FREM2: variants seen among roughly 807,000 people sequenced by gnomAD.
FREM2 encodes FRAS1-related extracellular matrix protein 2.
In FREM2, 119 loss-of-function variants were observed where a neutral mutation model predicts 219.9. That is an observed-to-expected ratio of 0.54 (90% CI 0.47 to 0.63). The LOEUF (loss-of-function observed/expected upper bound fraction) is 0.63. FREM2 is among the 30% of genes least tolerant of loss of function. The pLI is 0.00. For synonymous variants in FREM2, 1,562 were observed against 1,522.8 expected (o/e 1.03, Z -0.60); for missense variants, 4,030 against 3,993.6 (o/e 1.01, Z -0.25).
chr13:38,824,194 G>A (rs1487234853), intron 6 of FREM2, among the ~76,000 whole-genome samples: 3 of 152,002 alleles, frequency 2.0e-5, no homozygotes, highest in African/African-American at 7.2e-5. Flanking sequence ...AGGAGAAAGA[G>A]ACAGTTTTGT....
chr13:38,791,375 T>C (rs1329802541), intron 6 of FREM2, among the ~76,000 whole-genome samples: 1 of 152,128 alleles, frequency 6.6e-6, no homozygotes, highest in East Asian at 1.9e-4. Flanking sequence ...TTTCTTACCT[T>C]GGCCACCATC....
Position 38,886,928 on chromosome 13 carries a change from T to C in FREM2, c.*6141T>C, listed in dbSNP as rs922904694. 2.6e-5 allele frequency: 4 copies of C among 152,226 alleles called. No homozygotes were observed. Among genetic ancestry groups the C allele is most frequent in the Non-Finnish European group, 5.9e-5 (4 of 68,048 alleles). The allele number at this position is 152,226 out of a possible 1,614,324, so 9.4% of individuals were successfully genotyped here. A position where few individuals can be genotyped will look rare whatever the true frequency, so the allele number is the denominator to read the frequency against. On this transcript the variant is annotated 3_prime_UTR_variant, in exon 24 of 24. Transcript: ENST00000280481. ...TTCAAAAACTATCAGGGTCTAGTTT[T>C]ATCATACATTTACTAAGTTACTACA...
At chr13:38,875,398 AT>A (rs1323604278) in intron 18 of FREM2, among the ~76,000 whole-genome samples, 2 of 152,160 alleles carry the variant, frequency 1.3e-5, no homozygotes, top group African/African-American at 4.8e-5. Flanking sequence ...GCTTCATTGT[AT>A]TTTTATGGAA....
chr13:38,800,056 T>C (rs1874950824), intron 6 of FREM2, among the ~76,000 whole-genome samples: 1 of 152,178 alleles, frequency 6.6e-6, no homozygotes, highest in Admixed American at 6.5e-5. Context: ...TTACTTTTTT[T>C]CCCTCTTATT....
chr13:38,754,101 C>T (rs1872885846), intron 2 of FREM2, among the ~76,000 whole-genome samples: 1 of 152,040 alleles, frequency 6.6e-6, no homozygotes. Context: ...CCTGATGATG[C>T]ACATTAGTCA....
rs1878660526 is a variant in FREM2 at position 38,884,486 on chromosome 13, G to C, written c.*3699G>C. 2 of 152,094 alleles carry C rather than the reference G, an allele frequency of 1.3e-5. No individual in the cohort carries two copies. Among genetic ancestry groups the C allele is most frequent in the South Asian group, 4.1e-4 (2 of 4,828 alleles). The allele number at this position is 152,094 out of a possible 1,614,324, so 9.4% of individuals were successfully genotyped here. A position where few individuals can be genotyped will look rare whatever the true frequency, so the allele number is the denominator to read the frequency against. On this transcript the variant is annotated 3_prime_UTR_variant, in exon 24 of 24. Coordinates refer to ENST00000280481, the MANE Select transcript of FREM2 (RefSeq NM_207361.6). ...ATACTTATTTAGTATTGACTTGGAA[G>C]CCAATTTGGTCCTTTAATAAGTAAA...
chr13:38,744,215 T>C, intron 2 of FREM2, among the ~76,000 whole-genome samples: 1 of 143,812 alleles, frequency 7.0e-6, no homozygotes, highest in East Asian at 2.0e-4. Context: ...TTTTTTTTTT[T>C]TTTTTTTTTT....
chr13:38,703,244 G>T (rs370414696), intron 2 of FREM2, among the ~76,000 whole-genome samples: 11 of 152,206 alleles, frequency 7.2e-5, no homozygotes, highest in Admixed American at 5.2e-4. Flanking sequence ...AGAGTAAGTA[G>T]AAAAGAGAGG....
intron 6 of FREM2, among the ~76,000 whole-genome samples, chr13:38,835,898 A>G (rs1876687089): frequency 6.6e-6 from 1 of 152,224 alleles, no homozygotes; most frequent in Non-Finnish European, 1.5e-5. Context: ...AAAAGAGATA[A>G]TTTGACTTCC....
chr13:38,690,378 G>T lies in FREM2; in HGVS notation c.3034G>T (p.Gly1012Cys), dbSNP rs761849873. ...EQFTQRDILE[G>C]SVVYTHTSGE... ...GTTTACTCAAAGGGACATCTTGGAG[G>T]GCTCTGTTGTATATACCCACACCAG... The change falls in exon 1 of 24, where the codon GGC becomes TGC. Residue 1012 changes from glycine to cysteine, a missense_variant. Gly to Cys is a radical substitution (Grantham distance 159). This residue lies in a region of FREM2 where 3,102 missense variants were observed against 2,950.7 expected (regional missense o/e 1.05). Coordinates refer to ENST00000280481, the MANE Select transcript of FREM2 (RefSeq NM_207361.6). 6.2e-7 allele frequency: 1 copy of T among 1,613,446 alleles called. No homozygotes were observed. The highest frequency in any genetic ancestry group is 1.3e-5 in the African/African-American group (1 of 74,316).
At chr13:38,845,547 T>C (rs1397111688) in intron 6 of FREM2, among the ~76,000 whole-genome samples, 1 of 152,212 alleles carries the variant, frequency 6.6e-6, no homozygotes, top group African/African-American at 2.4e-5. Context: ...ATGGTAACTA[T>C]TATCATTAAC....
At chr13:38,835,477 G>T (rs750124669) in intron 6 of FREM2, among the ~76,000 whole-genome samples, 22 of 152,142 alleles carry the variant, frequency 1.4e-4, no homozygotes, top group Non-Finnish European at 2.9e-4. Flanking sequence ...TTCTAATTCT[G>T]TGAAGAAAGT....
At chr13:38,861,946 C>T (rs1877776761) in intron 15 of FREM2, among the ~76,000 whole-genome samples, 1 of 152,098 alleles carries the variant, frequency 6.6e-6, no homozygotes, top group Non-Finnish European at 1.5e-5. Flanking sequence ...TTATGTCTCT[C>T]TCAATATTTA....
rs919566969 is a variant in FREM2, at chr13:38,884,188, C to G, written c.*3401C>G. The G allele has an allele frequency of 2.0e-5, 3 of 152,148 alleles. No individual in the cohort carries two copies. Among genetic ancestry groups the G allele is most frequent in the Non-Finnish European group, 4.4e-5 (3 of 68,032 alleles). 9.4% of individuals were successfully genotyped at this position (152,148 alleles called of 1,614,324 possible). Reference sequence around the variant, plus strand: ...TGTGATAAGAAGGACCAACTCTAGGCTCAATATGAAGGGATTTAGTTCTGT... The same window carrying G: ...TGTGATAAGAAGGACCAACTCTAGGGTCAATATGAAGGGATTTAGTTCTGT... On this transcript the variant is annotated 3_prime_UTR_variant, in exon 24 of 24. Transcript: ENST00000280481.
At chr13:38,701,242 A>G (rs1340742305) in intron 2 of FREM2, among the ~76,000 whole-genome samples, 1 of 152,156 alleles carries the variant, frequency 6.6e-6, no homozygotes, top group Non-Finnish European at 1.5e-5. Flanking sequence ...GGGCCAGTCA[A>G]CATACATGAA....
intron 6 of FREM2, among the ~76,000 whole-genome samples, chr13:38,807,419 G>T (rs768319136): frequency 7.3e-5 from 11 of 150,370 alleles, no homozygotes; most frequent in Non-Finnish European, 1.3e-4. Flanking sequence ...ATCTAGAATG[G>T]TGAATTTTTC....
intron 6 of FREM2, among the ~76,000 whole-genome samples, chr13:38,834,904 T>C (rs1285364979): frequency 6.6e-6 from 1 of 152,254 alleles, no homozygotes; most frequent in Non-Finnish European, 1.5e-5. Context: ...AGGTTGCCTG[T>C]TCACTCTGAT....
At chr13:38,790,914 TA>T (rs1301664279) in intron 6 of FREM2, among the ~76,000 whole-genome samples, 1 of 152,218 alleles carries the variant, frequency 6.6e-6, no homozygotes, top group Non-Finnish European at 1.5e-5. Context: ...AATCCCATTG[TA>T]TTGTTTCCCA....
intron 2 of FREM2, among the ~76,000 whole-genome samples, chr13:38,743,442 T>C (rs993935134): frequency 1.3e-5 from 2 of 151,986 alleles, no homozygotes; most frequent in Non-Finnish European, 2.9e-5. Context: ...AAAATTAATA[T>C]TAGGATGGGA....
Sources: gnomAD v4.1 joint callset for allele counts (sites outside exome capture counted in the v4.1 genomes callset) on GRCh38, gnomAD v4.1.1 for gene constraint, gnomAD v4.1.1 regional missense constraint, MANE v1.5 for transcripts, NCBI Gene and HGNC (gene_info 2026-07-23, HGNC 2026-07-21) for gene names.